KCNS1: variants seen among roughly 807,000 people sequenced by gnomAD.
KCNS1 encodes potassium voltage-gated channel modifier subfamily S member 1.
KCNS1 carries 26 observed loss-of-function variants against 33.1 expected under a neutral mutation model. That is an observed-to-expected ratio of 0.79 (90% CI 0.58 to 1.09). KCNS1 has a LOEUF of 1.09. KCNS1 is among the 50% of genes least tolerant of loss of function. The pLI is 0.00. For missense variants in KCNS1, 702 were observed against 752.4 expected (o/e 0.93, Z 0.78); for synonymous variants, 299 against 338.8 (o/e 0.88, Z 1.29).
rs1477447578 is a variant in KCNS1 at position 45,097,734 on chromosome 20, G to A, written c.1038C>T (p.Leu346=). The stretch of plus-strand genomic sequence containing the variant: ...ACTTGAGTACGCGGAAGATGCGCAT[G>A]AGGCGGAACACCTGCACCACCTTGC... The part of the protein sequence containing the change: ...HLGKVVQVFR[L]MRIFRVLKLA... The change falls in exon 3 of 4, where the codon CTC becomes CTT. Residue 346 remains leucine, a synonymous_variant. Coordinates refer to ENST00000537075, the MANE Select transcript of KCNS1 (RefSeq NM_001322799.2). 1 of 1,612,666 alleles carries A rather than the reference G, an allele frequency of 6.2e-7. No homozygotes were observed.
At position 45,092,068 on chromosome 20, in the gene KCNS1, ATTG is replaced by A. The variant is rs1196686618; in HGVS notation, c.*2799_*2801del. ...TTGTTGCTTATACCCTCAAACTCTA[ATTG>A]TTAACAGTCATTCATCACTTTAATT... On this transcript the variant is annotated 3_prime_UTR_variant, in exon 4 of 4. Transcript: ENST00000537075. 6.6e-6 allele frequency among the ~76,000 whole-genome samples: 1 copy of A among 152,182 alleles called. No homozygotes were observed. Among genetic ancestry groups the A allele is most frequent in the South Asian group, 2.1e-4 (1 of 4,830 alleles).
rs1046916460 is a variant in KCNS1 at position 45,092,536 on chromosome 20, G to A, written c.*2334C>T. The A allele has an allele frequency of 5.4e-4, 82 of 152,162 alleles. No homozygotes were observed. Among genetic ancestry groups the A allele is most frequent in the African/African-American group, 1.8e-3 (76 of 41,428 alleles). The allele number at this position is 152,162 out of a possible 1,614,324, so 9.4% of individuals were successfully genotyped here. On this transcript the variant is annotated 3_prime_UTR_variant, in exon 4 of 4. Coordinates refer to ENST00000537075, the MANE Select transcript of KCNS1 (RefSeq NM_001322799.2). Reference sequence around the variant, plus strand: ...CTGCAAGACCATAAGGGTGCTACACGCAGCCCTTCTGATCTGCCCCTAACC... The same window carrying A: ...CTGCAAGACCATAAGGGTGCTACACACAGCCCTTCTGATCTGCCCCTAACC...
chr20:45,099,087 G>A (rs1981313073), intron 2 of KCNS1, 74 bp downstream of exon 2: 13 of 1,502,466 alleles, frequency 8.7e-6, no homozygotes, highest in Non-Finnish European at 1.2e-5. Flanking sequence ...TACACCAAAG[G>A]TCTACTGTGG....
At chr20:45,097,545 G>T in intron 3 of KCNS1, 117 bp downstream of exon 3, 1 of 1,031,534 alleles carries the variant, frequency 9.7e-7, no homozygotes, top group Non-Finnish European at 1.4e-6. Context: ...TGGCACAAAG[G>T]ACGGCATCTC....
chr20:45,095,405 G>T, intron 3 of KCNS1, 65 bp from the exon 4 acceptor site: 2 of 1,418,996 alleles, frequency 1.4e-6, no homozygotes, highest in South Asian at 1.3e-5. Context: ...TTAGGCATAT[G>T]GGGAAACTGA....
rs1473705300 is a variant in KCNS1 at position 45,099,297 on chromosome 20, A to T, written c.-3-58T>A. 42 of 916,186 alleles carry T rather than the reference A, an allele frequency of 4.6e-5. No individual in the cohort carries two copies. In the Admixed American group the frequency reaches 5.0e-4, roughly 11 times the overall value. The allele number at this position is 916,186 out of a possible 1,614,324, so 56.8% of individuals were successfully genotyped here. ...CTGCCATCGATTTACTGAATCGGGA[A>T]CTCTAAGGGTGGGGTCTAGCACTTT... On this transcript the variant is annotated intron_variant, in intron 1 of 3. Transcript: ENST00000537075.
Position 45,098,493 on chromosome 20 carries a change from G to A in KCNS1, c.279C>T (p.Asp93=). 1 of 1,550,642 alleles carries A rather than the reference G, an allele frequency of 6.4e-7. No homozygotes were observed. Among genetic ancestry groups the A allele is most frequent in the Non-Finnish European group, 8.7e-7 (1 of 1,148,710 alleles). ...ASEEQARRLC[D]DYDEAAREFY... ...ATTCGCGCGCCGCCTCGTCGTAGTC[G>A]TCGCACAGGCGCCGCGCCTGCTCCT... Residue 93 remains aspartate (D), a synonymous_variant, in exon 3 of 4, where the codon GAC becomes GAT. Transcript: ENST00000537075. This position sits in a 1 kb window ranked among gnomAD's most constrained non-coding sequence, Gnocchi z 5.2.
chr20:45,095,638 G>T (rs1177390512), intron 3 of KCNS1, among the ~76,000 whole-genome samples: 1 of 152,214 alleles, frequency 6.6e-6, no homozygotes, highest in Admixed American at 6.5e-5. Context: ...GGAATGAAGA[G>T]CTTGTGATTT....
At chr20:45,097,629 A>AC in intron 3 of KCNS1, 33 bp downstream of exon 3, 1 of 1,569,586 alleles carries the variant, frequency 6.4e-7, no homozygotes, top group Non-Finnish European at 8.6e-7. Context: ...ACACCCGCCC[A>AC]CCCCAGCTCC....
intron 3 of KCNS1, among the ~76,000 whole-genome samples, chr20:45,096,347 G>A (rs929547576): frequency 1.2e-4 from 19 of 152,178 alleles, no homozygotes; most frequent in African/African-American, 4.6e-4. Flanking sequence ...GACAAAGCTA[G>A]TAGTGTCAGG....
intron 3 of KCNS1, among the ~76,000 whole-genome samples, chr20:45,096,225 G>A (rs939325068): frequency 1.3e-5 from 2 of 152,212 alleles, no homozygotes; most frequent in African/African-American, 2.4e-5. Flanking sequence ...TGAGAAAGCT[G>A]CTGGTGGTCA....
intron 3 of KCNS1, 84 bp from the exon 4 acceptor site, chr20:45,095,424 G>T: frequency 7.9e-7 from 1 of 1,259,282 alleles, no homozygotes; most frequent in Non-Finnish European, 1.1e-6. Flanking sequence ...GAGGCCCAGA[G>T]AGTATAAAGG....
chr20:45,097,581 CA>C, intron 3 of KCNS1, 80 bp downstream of exon 3: 1 of 1,383,448 alleles, frequency 7.2e-7, no homozygotes. Context: ...CTGGACTCGG[CA>C]GGCTTGTAAG....
rs1203308877 is a variant in KCNS1 at position 45,098,749 on chromosome 20, G to A, written c.77-54C>T. 1 of 1,300,602 alleles carries A rather than the reference G, an allele frequency of 7.7e-7. No individual in the cohort carries two copies. The highest frequency in any genetic ancestry group is 3.8e-5 in the Admixed American group (1 of 26,372). 80.6% of individuals were successfully genotyped at this position (1,300,602 alleles called of 1,614,324 possible). A position where few individuals can be genotyped will look rare whatever the true frequency, so the allele number is the denominator to read the frequency against. On this transcript the variant is annotated intron_variant, in intron 2 of 3. Coordinates refer to ENST00000537075, the MANE Select transcript of KCNS1 (RefSeq NM_001322799.2). This position sits in a 1 kb window ranked among gnomAD's most constrained non-coding sequence, Gnocchi z 5.2. ...AGTTCCCGGGCTTCCCTTCCTGGAA[G>A]ACCAGGTTAAAATCCCCTCCTCCAT...
In KCNS1 at chr20:45,098,548, C is replaced by G; in HGVS notation, c.224G>C (p.Arg75Pro). The G allele has an allele frequency of 7.0e-7, 1 of 1,424,896 alleles. No individual in the cohort carries two copies. Among genetic ancestry groups the G allele is most frequent in the Non-Finnish European group, 9.2e-7 (1 of 1,087,586 alleles). 88.3% of individuals were successfully genotyped at this position (1,424,896 alleles called of 1,614,324 possible). ...CGCCGCGGCCTGCAGGCGGCCCAGC[C>G]GCGTGCCCGGGAAGCGCGCCAGGGC... ...ARALARFPGT[R>P]LGRLQAAASE... Residue 75 changes from arginine (R) to proline (P), a missense_variant, in exon 3 of 4, where the codon CGG (arginine) becomes CCG (proline). By Grantham distance (103) the Arg-to-Pro change is moderately radical. This residue lies in a region of KCNS1 where 374 missense variants were observed against 352.3 expected (regional missense o/e 1.06). Coordinates refer to ENST00000537075, the MANE Select transcript of KCNS1 (RefSeq NM_001322799.2). This position sits in a 1 kb window ranked among gnomAD's most constrained non-coding sequence, Gnocchi z 5.2.
In KCNS1 at chr20:45,095,298, C is replaced by G; in HGVS notation, c.1153G>C (p.Val385Leu). 1 of 1,613,902 alleles carries G rather than the reference C, an allele frequency of 6.2e-7. No individual in the cohort carries two copies. Among genetic ancestry groups the G allele is most frequent in the Non-Finnish European group, 8.5e-7 (1 of 1,179,952 alleles). ...EVGILLLYLA[V>L]GVSVFSGVAY... is the part of the protein sequence containing the mutation. ...ACACCAGAGAACACTGACACACCCACAGCCAGGTACAGCAGCAAGATGCCC... is the reference window on the plus strand; with the variant it reads ...ACACCAGAGAACACTGACACACCCAGAGCCAGGTACAGCAGCAAGATGCCC... The change falls in exon 4 of 4, where the codon GTG (valine) becomes CTG (leucine). Residue 385 changes from valine (V) to leucine (L), a missense_variant. Transcript: ENST00000537075.
rs555303968 is a variant in KCNS1 at position 45,094,783 on chromosome 20, T to C, written c.*87A>G. 5.3e-4 allele frequency: 560 copies of C among 1,059,420 alleles called. 1 individual carries two copies. The highest frequency in any genetic ancestry group is 7.4e-4 in the Non-Finnish European group (530 of 712,416). The allele number at this position is 1,059,420 out of a possible 1,614,324, so 65.6% of individuals were successfully genotyped here. A position where few individuals can be genotyped will look rare whatever the true frequency, so the allele number is the denominator to read the frequency against. On this transcript the variant is annotated 3_prime_UTR_variant, in exon 4 of 4. Transcript: ENST00000537075. ...TCATTTCTCAGGACAGCATGAGTGA[T>C]CCTGGGAGGCTCACTACCATGAAGA...
Position 45,099,193 on chromosome 20 carries a change from C to A in KCNS1, c.44G>T (p.Arg15Leu). 1 of 1,551,138 alleles carries A rather than the reference C, an allele frequency of 6.4e-7. No individual in the cohort carries two copies. Among genetic ancestry groups the A allele is most frequent in the Non-Finnish European group, 8.7e-7 (1 of 1,146,542 alleles). The change falls in exon 2 of 4, where the codon CGG (arginine) becomes CTG (leucine). Residue 15 changes from arginine to leucine, a missense_variant. Arg to Leu is a moderately radical substitution (Grantham distance 102). Coordinates refer to ENST00000537075, the MANE Select transcript of KCNS1 (RefSeq NM_001322799.2). Reference protein sequence around the residue: ...LVRGTHYENLRSKVVLPTPLG... With the variant: ...LVRGTHYENLLSKVVLPTPLG... ...GGGTGTTGGCAGCACCACTTTAGAC[C>A]GGAGGTTCTCATAGTGTGTTCCCCG...
chr20:45,096,337 G>A (rs139747152), intron 3 of KCNS1, among the ~76,000 whole-genome samples: 44 of 152,298 alleles, frequency 2.9e-4, no homozygotes, highest in Non-Finnish European at 4.6e-4. Flanking sequence ...CCCTACTGAA[G>A]ACAAAGCTAG....
Sources: allele counts gnomAD v4.1 joint callset (sites outside exome capture counted in the v4.1 genomes callset), GRCh38; gene constraint gnomAD v4.1.1; regional missense constraint gnomAD v4.1.1; non-coding constraint Gnocchi (gnomAD v3.1); transcripts MANE v1.5; gene names NCBI Gene and HGNC (gene_info 2026-07-23, HGNC 2026-07-21).